Variants in ANTXR1 observed in about 807,000 individuals in gnomAD.
ANTXR1 encodes anthrax toxin receptor 1.
ANTXR1 carries 19 observed loss-of-function variants against 78.1 expected under a neutral mutation model. That is an observed-to-expected ratio of 0.24 (90% CI 0.17 to 0.36). The LOEUF (loss-of-function observed/expected upper bound fraction) is 0.36. Among genes scored for constraint, ANTXR1 ranks in the 10% least tolerant of loss-of-function variants. The pLI, the probability that ANTXR1 is intolerant of heterozygous loss-of-function variation, is 1.00. For synonymous variants in ANTXR1, 273 were observed against 260.5 expected, an observed-to-expected ratio of 1.05 and a Z score of -0.46; for missense variants, 518 against 718.6, an observed-to-expected ratio of 0.72 and a Z score of 3.19.
At chr2:69,174,373 C>T (rs1674065660) in intron 14 of ANTXR1, among the ~76,000 whole-genome samples, 1 of 152,198 alleles carries the variant, frequency 6.6e-6, no homozygotes, top group South Asian at 2.1e-4. Flanking sequence ...TACAGTGGCT[C>T]ATGCCTGTAA....
Position 69,102,829 on chromosome 2 carries a change from T to C in ANTXR1, c.704-13T>C. ...GGCCAAGTAACGAGTCTCGTCATTA[T>C]TCTTTATTTCAGAGTCATTTCAAGT... is the stretch of plus-strand genomic sequence containing the variant. On this transcript the variant is annotated splice_polypyrimidine_tract_variant and intron_variant, in intron 9 of 17. Coordinates refer to ENST00000303714, the MANE Select transcript of ANTXR1 (RefSeq NM_032208.3). 1 of 1,613,354 alleles carries C rather than the reference T, an allele frequency of 6.2e-7. No homozygotes were observed. The highest frequency in any genetic ancestry group is 8.5e-7 in the Non-Finnish European group (1 of 1,179,494).
chr2:69,124,076 G>A (rs1386495334), intron 11 of ANTXR1, among the ~76,000 whole-genome samples: 2 of 152,208 alleles, frequency 1.3e-5, no homozygotes, highest in Non-Finnish European at 2.9e-5. Context: ...AGAGATGGAA[G>A]ACAAATGCAT....
intron 1 of ANTXR1, among the ~76,000 whole-genome samples, chr2:69,037,132 C>T (rs541891286): frequency 4.4e-4 from 67 of 152,294 alleles, no homozygotes; most frequent in Non-Finnish European, 7.4e-4. Flanking sequence ...TCTTACTTCA[C>T]GTAAGTCACG....
chr2:69,029,048 C>A (rs947796868), intron 1 of ANTXR1, among the ~76,000 whole-genome samples: 2 of 148,938 alleles, frequency 1.3e-5, no homozygotes, highest in Non-Finnish European at 3.0e-5. Flanking sequence ...GAGACCCCCC[C>A]CCCTCCATCT....
intron 9 of ANTXR1, among the ~76,000 whole-genome samples, chr2:69,099,565 A>C (rs1340487662): frequency 3.3e-5 from 5 of 152,236 alleles, no homozygotes; most frequent in Non-Finnish European, 2.9e-5. Flanking sequence ...TCCACCAGAA[A>C]TGTATGTGGG....
At chr2:69,217,798 C>G (rs1328100500) in intron 17 of ANTXR1, among the ~76,000 whole-genome samples, 2 of 121,886 alleles carry the variant, frequency 1.6e-5, no homozygotes, top group Non-Finnish European at 3.6e-5. Flanking sequence ...TTTTTCTAGG[C>G]ACTAGCGGTA....
chr2:69,102,737 AT>A (rs1671665569), intron 9 of ANTXR1, 104 bp from the exon 10 acceptor site: 1 of 1,252,224 alleles, frequency 8.0e-7, no homozygotes, highest in Admixed American at 1.7e-5. Context: ...ATTTTTGAAT[AT>A]TTTAAGCCTG....
Position 69,245,695 on chromosome 2 carries a change from G to T in ANTXR1, c.*210G>T. On this transcript the variant is annotated 3_prime_UTR_variant, in exon 18 of 18. Coordinates refer to ENST00000303714, the MANE Select transcript of ANTXR1 (RefSeq NM_032208.3). ...GAAAACAAATGATGAGGCAACTACA[G>T]TCAGATTTATAGCCAGCCATCTATC... The T allele has an allele frequency of 1.6e-6, 1 of 631,426 alleles. No individual in the cohort carries two copies. Among genetic ancestry groups the T allele is most frequent in the Admixed American group, 3.1e-5 (1 of 32,156 alleles). 39.1% of individuals were successfully genotyped at this position (631,426 alleles called of 1,614,324 possible).
At chr2:69,146,098 TG>T (rs1454797038) in intron 12 of ANTXR1, 1 of 985,374 alleles carries the variant, frequency 1.0e-6, no homozygotes, top group African/African-American at 1.7e-5. Flanking sequence ...CATGCCCGAA[TG>T]AAGGAGCGGG....
At chr2:69,170,377 T>A in intron 14 of ANTXR1, 88 bp downstream of exon 14, 2 of 1,469,314 alleles carry the variant, frequency 1.4e-6, no homozygotes, top group East Asian at 2.3e-5. Flanking sequence ...CTTAGCCCCC[T>A]GCAGAGCAGA....
intron 12 of ANTXR1, among the ~76,000 whole-genome samples, chr2:69,131,211 A>G (rs1672733993): frequency 1.3e-5 from 2 of 152,178 alleles, no homozygotes; most frequent in Non-Finnish European, 2.9e-5. Context: ...ATTTGCCTAA[A>G]AAAATAATTT....
intron 16 of ANTXR1, among the ~76,000 whole-genome samples, chr2:69,189,935 A>T (rs1674510832): frequency 6.6e-6 from 1 of 152,242 alleles, no homozygotes; most frequent in East Asian, 1.9e-4. Context: ...AGGTAAATAG[A>T]TACCCAGATC....
chr2:69,086,502 A>T lies in ANTXR1; in HGVS notation c.643-4357A>T, dbSNP rs151050648. ...GTCAACTTACCAGAAACAACACATG[A>T]CAATTATTTAGCTCTTTATGGATTT... On this transcript the variant is annotated intron_variant, in intron 8 of 17. Transcript: ENST00000303714. Among the ~76,000 whole-genome samples, 533 of 152,348 alleles carry T rather than the reference A, an allele frequency of 3.5e-3. 6 individuals carry two copies. The highest frequency in any genetic ancestry group is 0.012 in the African/African-American group (512 of 41,590).
chr2:69,057,449 C>T lies in ANTXR1; in HGVS notation c.296+12636C>T, dbSNP rs184426269. On this transcript the variant is annotated intron_variant, in intron 3 of 17. Transcript: ENST00000303714. ...GTCATTCTCTCAATATTTCAACCTT[C>T]ATTATTATTATTATATCTGTTATGG... Among the ~76,000 whole-genome samples the T allele has an allele frequency of 3.6e-4, 55 of 152,234 alleles. 1 individual carries two copies. The highest frequency in any genetic ancestry group is 3.4e-3 in the Admixed American group (52 of 15,294).
At chr2:69,090,989 C>T (rs1229039250) in intron 9 of ANTXR1, 70 bp downstream of exon 9, 3 of 1,499,320 alleles carry the variant, frequency 2.0e-6, no homozygotes, top group Non-Finnish European at 2.8e-6. Flanking sequence ...CACGTATGTA[C>T]TTCATTGTTG....
chr2:69,233,306 A>G (rs1675673052), intron 17 of ANTXR1, among the ~76,000 whole-genome samples: 1 of 152,064 alleles, frequency 6.6e-6, no homozygotes, highest in South Asian at 2.1e-4. Context: ...AAAGTAGCTC[A>G]CAACAAAAGA....
intron 3 of ANTXR1, among the ~76,000 whole-genome samples, chr2:69,052,172 G>A (rs1669949591): frequency 6.6e-6 from 1 of 151,968 alleles, no homozygotes; most frequent in South Asian, 2.1e-4. Flanking sequence ...CTTACTGTAA[G>A]ATTTACGGAT....
chr2:69,090,850 T>C lies in ANTXR1; in HGVS notation c.643-9T>C, dbSNP rs1167375700. ...TGTGCATTGACTCTTTTATTTCCGC[T>C]CCTCCTAGATTTTGAAGAAGTCCTG... On this transcript the variant is annotated splice_polypyrimidine_tract_variant and intron_variant, in intron 8 of 17. Coordinates refer to ENST00000303714, the MANE Select transcript of ANTXR1 (RefSeq NM_032208.3). 1 of 1,612,786 alleles carries C rather than the reference T, an allele frequency of 6.2e-7. No individual in the cohort carries two copies. Among genetic ancestry groups the C allele is most frequent in the Admixed American group, 1.7e-5 (1 of 60,020 alleles).
rs529875534 is a variant in ANTXR1, at chr2:69,046,665, G to C, written c.296+1852G>C. Among the ~76,000 whole-genome samples, 22 of 152,298 alleles carry C rather than the reference G, an allele frequency of 1.4e-4. 1 individual carries two copies. The South Asian group carries it at 4.3e-3, about 30-fold the overall frequency. On this transcript the variant is annotated intron_variant, in intron 3 of 17. Transcript: ENST00000303714. The stretch of plus-strand genomic sequence containing the variant: ...AACCTCATCAGCCTATGGAAGAAAT[G>C]TGGGCAAGATCTCTCTGAAACTCTT...
Sources: allele counts gnomAD v4.1 joint callset (sites outside exome capture counted in the v4.1 genomes callset), GRCh38; gene constraint gnomAD v4.1.1; transcripts MANE v1.5; gene names NCBI Gene and HGNC (gene_info 2026-07-23, HGNC 2026-07-21).